Variants in NTRK2 observed in about 807,000 individuals in gnomAD.
NTRK2 encodes BDNF/NT-3 growth factors receptor.
In NTRK2, 13 loss-of-function variants were observed where a neutral mutation model predicts 94.5. The ratio of observed to expected loss-of-function variants is 0.14; its 90% CI spans 0.09 to 0.22. The LOEUF (loss-of-function observed/expected upper bound fraction) is 0.22, where lower values mean the gene tolerates loss of function less well. Ranked by LOEUF, NTRK2 falls within the 10% of genes least tolerant of loss-of-function variation. NTRK2 has a pLI of 1.00. For missense variants in NTRK2, 639 were observed against 1,071.2 expected (o/e 0.60, Z 5.63); for synonymous variants, 372 against 407.4 (o/e 0.91, Z 1.05).
At position 85,024,445 on chromosome 9, in the gene NTRK2, A is replaced by G; in HGVS notation, c.*3008A>G. On this transcript the variant is annotated 3_prime_UTR_variant, in exon 19 of 19. Coordinates refer to ENST00000277120, the MANE Select transcript of NTRK2 (RefSeq NM_006180.6). ...TTAGAAGTCATTGAATAGTTTTCCA[A>G]ACACTTTCCATGTGTGTTAGCAAAT... 3 of 233,062 alleles carry G rather than the reference A, an allele frequency of 1.3e-5. No homozygotes were observed. The highest frequency in any genetic ancestry group is 2.5e-5 in the Non-Finnish European group (3 of 117,920). The allele number at this position is 233,062 out of a possible 1,614,324, so 14.4% of individuals were successfully genotyped here. A position where few individuals can be genotyped will look rare whatever the true frequency, so the allele number is the denominator to read the frequency against.
intron 14 of NTRK2, chr9:84,876,595 A>G (rs1204753449): frequency 9.5e-6 from 10 of 1,057,442 alleles, no homozygotes; most frequent in African/African-American, 3.3e-5. Flanking sequence ...CATTTTCTCT[A>G]TCTTGGTTTT....
At chr9:84,866,914 A>G (rs75910062) in intron 13 of NTRK2, among the ~76,000 whole-genome samples, 3,941 of 152,308 alleles carry the variant, frequency 0.026, 172 homozygotes, top group African/African-American at 0.089. Flanking sequence ...ACATACTACA[A>G]TGTGGATGAA....
At chr9:84,812,896 G>A (rs998748639) in intron 12 of NTRK2, 1 of 1,034,086 alleles carries the variant, frequency 9.7e-7, no homozygotes, top group Non-Finnish European at 1.2e-6. Flanking sequence ...ATCTCCTAGG[G>A]AATGATGAAA....
At chr9:84,984,939 T>C (rs984532854) in intron 17 of NTRK2, among the ~76,000 whole-genome samples, 1 of 152,224 alleles carries the variant, frequency 6.6e-6, no homozygotes, top group African/African-American at 2.4e-5. Flanking sequence ...TATTAACATA[T>C]AAAACAGTGA....
At chr9:84,833,608 AAGAAAG>A (rs1048731075) in intron 12 of NTRK2, among the ~76,000 whole-genome samples, 5 of 148,750 alleles carry the variant, frequency 3.4e-5, no homozygotes, top group African/African-American at 1.3e-4. Context: ...AAAGAAAGAA[AAGAAAG>A]AGAGAGAGAA....
intron 13 of NTRK2, among the ~76,000 whole-genome samples, chr9:84,862,503 A>G (rs2132007991): frequency 6.6e-6 from 1 of 152,346 alleles, no homozygotes; most frequent in East Asian, 1.9e-4. Flanking sequence ...GAAAGCTGCA[A>G]AAATGTGGTT....
intron 13 of NTRK2, among the ~76,000 whole-genome samples, chr9:84,862,337 G>A (rs891438667): frequency 7.2e-5 from 11 of 152,190 alleles, no homozygotes; most frequent in South Asian, 4.1e-4. Flanking sequence ...GTATGCGTGC[G>A]TAGGTGTATC....
At chr9:84,891,052 A>C (rs575953816) in intron 14 of NTRK2, among the ~76,000 whole-genome samples, 3 of 152,306 alleles carry the variant, frequency 2.0e-5, no homozygotes, top group Admixed American at 2.0e-4. Flanking sequence ...CCATGTGTCA[A>C]CCTGGCTGTT....
At chr9:84,708,554 C>T (rs950474202) in intron 5 of NTRK2, among the ~76,000 whole-genome samples, 6 of 152,322 alleles carry the variant, frequency 3.9e-5, no homozygotes, top group Middle Eastern at 3.4e-3. Flanking sequence ...GCATTGTCCC[C>T]ATTAAACAAA....
chr9:84,844,164 A>G (rs1389016678), intron 12 of NTRK2, among the ~76,000 whole-genome samples: 2 of 152,186 alleles, frequency 1.3e-5, no homozygotes, highest in Non-Finnish European at 2.9e-5. Context: ...CAATTTAGAA[A>G]GGTCTTTTCA....
Position 84,765,910 on chromosome 9 carries a change from GA to G in NTRK2, c.1396+13831del, listed in dbSNP as rs1387264775. ...AGGATGAGACTAAATTAATATAATA[GA>G]AAAAATTAAAAAATATGGTTTAAAC... is the stretch of plus-strand genomic sequence containing the variant. On this transcript the variant is annotated intron_variant, in intron 12 of 18. Transcript: ENST00000277120. 5.9e-5 allele frequency among the ~76,000 whole-genome samples: 9 copies of G among 151,964 alleles called. 1 individual carries two copies. In the East Asian group the frequency reaches 1.4e-3, roughly 23 times the overall value.
At chr9:84,811,327 G>T in intron 12 of NTRK2, 1 of 1,065,902 alleles carries the variant, frequency 9.4e-7, no homozygotes, top group Non-Finnish European at 1.1e-6. Context: ...AAAAGAAGAA[G>T]AAGAAAAAAA....
chr9:84,992,719 G>A (rs1346048469), intron 17 of NTRK2, among the ~76,000 whole-genome samples: 1 of 151,992 alleles, frequency 6.6e-6, no homozygotes, highest in African/African-American at 2.4e-5. Context: ...ATTTAAGTCT[G>A]TAGTCAAGTT....
intron 6 of NTRK2, among the ~76,000 whole-genome samples, chr9:84,721,211 T>C (rs956723218): frequency 1.3e-5 from 2 of 151,938 alleles, no homozygotes; most frequent in Non-Finnish European, 1.5e-5. Context: ...AGTCTTGCAC[T>C]GTTGCCCAGG....
chr9:84,898,908 G>T (rs968303168), intron 14 of NTRK2, among the ~76,000 whole-genome samples: 1 of 152,100 alleles, frequency 6.6e-6, no homozygotes, highest in Non-Finnish European at 1.5e-5. Flanking sequence ...CACCATGTTG[G>T]TCAGGCTGGT....
chr9:84,695,997 A>C (rs2060352205), intron 2 of NTRK2, among the ~76,000 whole-genome samples: 1 of 152,170 alleles, frequency 6.6e-6, no homozygotes, highest in African/African-American at 2.4e-5. Context: ...ATGAATGCTT[A>C]TCTGCTGAGG....
At chr9:84,924,682 C>T (rs1171073876) in intron 14 of NTRK2, among the ~76,000 whole-genome samples, 1 of 152,166 alleles carries the variant, frequency 6.6e-6, no homozygotes, top group African/African-American at 2.4e-5. Context: ...TGGGGCTTTC[C>T]CCCCTTGGCT....
chr9:84,668,952 A>G (rs1182744438), upstream of NTRK2, among the ~76,000 whole-genome samples: 11 of 152,108 alleles, frequency 7.2e-5, no homozygotes, highest in Admixed American at 7.2e-4. Flanking sequence ...CATTTAGAAT[A>G]CGCATCAGGC....
At chr9:84,955,644 T>G (rs1588038591) in intron 17 of NTRK2, 127 bp downstream of exon 17, 1 of 815,310 alleles carries the variant, frequency 1.2e-6, no homozygotes, top group East Asian at 2.7e-5. Flanking sequence ...GACATGTGTT[T>G]CTCATGGCTC....
Sources: allele counts gnomAD v4.1 joint callset (sites outside exome capture counted in the v4.1 genomes callset), GRCh38; gene constraint gnomAD v4.1.1; transcripts MANE v1.5; gene names NCBI Gene and HGNC (gene_info 2026-07-23, HGNC 2026-07-21).